Variants in LIMCH1 observed in about 807,000 individuals in gnomAD.
The protein encoded by LIMCH1 is LIM and calponin homology domains-containing protein 1.
In LIMCH1, 113 loss-of-function variants were observed where a neutral mutation model predicts 176.5. That is an observed-to-expected ratio of 0.64 (90% confidence interval 0.55 to 0.75). The LOEUF (loss-of-function observed/expected upper bound fraction) is 0.75. LIMCH1 is among the 30% of genes least tolerant of loss of function. LIMCH1 has a pLI of 0.00. For missense variants in LIMCH1, 1,674 were observed against 1,814.9 expected (o/e 0.92, Z 1.41); for synonymous variants, 619 against 645.9 (o/e 0.96, Z 0.63).
chr4:41,633,506 C>T (rs1562007643), intron 12 of LIMCH1, 42 bp from the exon 13 acceptor site: 1 of 1,527,512 alleles, frequency 6.5e-7, no homozygotes, highest in Non-Finnish European at 8.8e-7. Flanking sequence ...ATATCTTTAG[C>T]AGTAAGTGGC....
intron 2 of LIMCH1, among the ~76,000 whole-genome samples, chr4:41,519,551 T>A (rs2075914474): frequency 6.6e-6 from 1 of 152,216 alleles, no homozygotes; most frequent in African/African-American, 2.4e-5. Flanking sequence ...TCACCTGGTG[T>A]TTGCTAGGCA....
At chr4:41,483,258 A>G (rs1283485721) in intron 1 of LIMCH1, among the ~76,000 whole-genome samples, 4 of 152,122 alleles carry the variant, frequency 2.6e-5, no homozygotes, top group Admixed American at 6.5e-5. Flanking sequence ...GGATAAAATG[A>G]AAAGATAGGT....
chr4:41,550,223 AT>A (rs1583915463), intron 1 of LIMCH1, among the ~76,000 whole-genome samples: 3 of 151,536 alleles, frequency 2.0e-5, no homozygotes, highest in East Asian at 4.0e-4. Context: ...ATAGAATCTA[AT>A]TGGTTAATTT....
At chr4:41,638,854 G>A in intron 13 of LIMCH1, 78 bp from the exon 14 acceptor site, 4 of 1,171,148 alleles carry the variant, frequency 3.4e-6, no homozygotes, top group Admixed American at 1.7e-5. Context: ...TATTTCACCG[G>A]CAGTTTCTAT....
Position 41,670,634 on chromosome 4 carries a change from A to G in LIMCH1, c.3398-920A>G, listed in dbSNP as rs983276878. 78 of 969,658 alleles carry G rather than the reference A, an allele frequency of 8.0e-5. No homozygotes were observed. The African/African-American group carries it at 1.1e-3, about 14-fold the overall frequency. The allele number at this position is 969,658 out of a possible 1,614,324, so 60.1% of individuals were successfully genotyped here. On this transcript the variant is annotated intron_variant, in intron 21 of 31. Transcript: ENST00000503057. ...GGTATTGACTAGAGCCAAACTCCCT[A>G]TAGTACTTGGGAGCATGGTTCTATT...
intron 1 of LIMCH1, among the ~76,000 whole-genome samples, chr4:41,364,233 A>G (rs762355296): frequency 6.6e-6 from 1 of 152,192 alleles, no homozygotes; most frequent in Non-Finnish European, 1.5e-5. Flanking sequence ...AATATATTTA[A>G]AATGCTTAGA....
chr4:41,649,272 C>G (rs34765414), intron 17 of LIMCH1, among the ~76,000 whole-genome samples: 21,002 of 152,052 alleles, frequency 0.14, 1,565 homozygotes, highest in Admixed American at 0.2. Context: ...TGTTGGCATA[C>G]GCCTGTAATC....
In LIMCH1 at chr4:41,633,667, G is replaced by GA. The variant is rs1562008742; in HGVS notation, c.1953dup (p.Asp652ArgfsTer2). ...GGCCAGCGAAAGTTGGATGATTCAC[G>GA]AAAAGATGACATGATGGCCAGGAGA... On this transcript the variant is annotated frameshift_variant, in exon 13 of 32. Coordinates refer to ENST00000503057, the MANE Select transcript of LIMCH1 (RefSeq NM_001330672.2). LOFTEE classifies it high-confidence loss of function. 2 of 1,536,144 alleles carry GA rather than the reference G, an allele frequency of 1.3e-6. No individual in the cohort carries two copies. Among genetic ancestry groups the GA allele is most frequent in the Non-Finnish European group, 1.7e-6 (2 of 1,146,922 alleles).
At chr4:41,649,190 A>G (rs190049526) in intron 17 of LIMCH1, among the ~76,000 whole-genome samples, 193 of 152,348 alleles carry the variant, frequency 1.3e-3, no homozygotes, top group African/African-American at 4.2e-3. Flanking sequence ...ACTTGAGACC[A>G]GGAGTTCGAG....
chr4:41,498,207 G>A (rs373342353), intron 2 of LIMCH1, among the ~76,000 whole-genome samples: 51 of 152,262 alleles, frequency 3.3e-4, no homozygotes, highest in African/African-American at 1.0e-3. Flanking sequence ...GGAGACAAAC[G>A]AGAATAGTGG....
chr4:41,528,648 A>T (rs1458420520), intron 3 of LIMCH1, among the ~76,000 whole-genome samples: 1 of 152,190 alleles, frequency 6.6e-6, no homozygotes, highest in Non-Finnish European at 1.5e-5. Flanking sequence ...CCATAGTAGC[A>T]GGGGCCATAG....
At chr4:41,377,975 T>C (rs1409290297) in intron 1 of LIMCH1, among the ~76,000 whole-genome samples, 1 of 152,240 alleles carries the variant, frequency 6.6e-6, no homozygotes, top group Non-Finnish European at 1.5e-5. Context: ...GGACCAAGTT[T>C]TCAACACATG....
At chr4:41,371,128 TA>T (rs1402651838) in intron 1 of LIMCH1, among the ~76,000 whole-genome samples, 2 of 152,166 alleles carry the variant, frequency 1.3e-5, no homozygotes, top group Non-Finnish European at 2.9e-5. Flanking sequence ...GCGAAACTTC[TA>T]AAAAGATCAT....
intron 1 of LIMCH1, among the ~76,000 whole-genome samples, chr4:41,578,983 G>C (rs919241064): frequency 2.0e-5 from 3 of 151,714 alleles, no homozygotes; most frequent in Non-Finnish European, 4.4e-5. Flanking sequence ...GCTTACAAAT[G>C]TGAACCACTG....
chr4:41,689,662 G>C (rs767211644), intron 30 of LIMCH1, 27 bp downstream of exon 30: 15 of 1,340,822 alleles, frequency 1.1e-5, no homozygotes, highest in Non-Finnish European at 1.6e-5. Context: ...TTGCTCTCCA[G>C]ACACAACTTC....
chr4:41,500,270 A>T (rs2073031889), intron 2 of LIMCH1, among the ~76,000 whole-genome samples: 1 of 152,182 alleles, frequency 6.6e-6, no homozygotes, highest in Non-Finnish European at 1.5e-5. Flanking sequence ...ACTTTCCTGA[A>T]TCAGTCATTA....
chr4:41,596,869 G>A (rs2088936838), intron 1 of LIMCH1, among the ~76,000 whole-genome samples: 1 of 152,132 alleles, frequency 6.6e-6, no homozygotes, highest in African/African-American at 2.4e-5. Flanking sequence ...TCTCTTGCCT[G>A]CTGAAAAAAG....
At chr4:41,474,684 G>C (rs925843383) in intron 1 of LIMCH1, among the ~76,000 whole-genome samples, 3 of 152,168 alleles carry the variant, frequency 2.0e-5, no homozygotes, top group African/African-American at 7.2e-5. Context: ...ACAAACATTG[G>C]TGAGGATCTG....
chr4:41,613,548 C>T lies in LIMCH1; in HGVS notation c.92C>T (p.Ser31Phe). The T allele has an allele frequency of 6.2e-7, 1 of 1,614,108 alleles. No homozygotes were observed. Among genetic ancestry groups the T allele is most frequent in the Non-Finnish European group, 8.5e-7 (1 of 1,180,022 alleles). ...IDCWDSERSD[S>F]LSPPRHGRDD... Reference sequence around the variant, plus strand: ...TGCTGGGATTCCGAGCGCAGCGACTCCCTCTCTCCTCCTCGCCACGGCAGA... The same window carrying T: ...TGCTGGGATTCCGAGCGCAGCGACTTCCTCTCTCCTCCTCGCCACGGCAGA... The change falls in exon 5 of 32, where the codon TCC (serine) becomes TTC (phenylalanine). Residue 31 changes from serine (S) to phenylalanine (F), a missense_variant. By Grantham distance (155) the Ser-to-Phe change is radical. Around this residue, in one of 3 missense-constraint regions of LIMCH1, gnomAD observed 655 missense variants for 692.2 expected, o/e 0.95. Coordinates refer to ENST00000503057, the MANE Select transcript of LIMCH1 (RefSeq NM_001330672.2).
Sources: allele counts gnomAD v4.1 joint callset (sites outside exome capture counted in the v4.1 genomes callset), GRCh38; gene constraint gnomAD v4.1.1; regional missense constraint gnomAD v4.1.1; transcripts MANE v1.5; gene names NCBI Gene and HGNC (gene_info 2026-07-23, HGNC 2026-07-21).